The following FSTL5 variants were observed in gnomAD, a reference collection of about 807,000 sequenced individuals.
FSTL5 encodes follistatin-related protein 5.
FSTL5 carries 62 observed loss-of-function variants against 89.1 expected under a neutral mutation model. The observed-to-expected ratio is 0.70, with a 90% CI of 0.57 to 0.86. FSTL5 has a LOEUF of 0.86. Ranked by LOEUF, FSTL5 falls within the 40% of genes least tolerant of loss-of-function variation. FSTL5 has a pLI of 0.00. For synonymous variants in FSTL5, 383 were observed against 346.2 expected (o/e 1.11, Z -1.18); for missense variants, 1,057 against 1,001.6 (o/e 1.06, Z -0.75).
At chr4:162,076,251 G>C (rs1729839063) in intron 2 of FSTL5, among the ~76,000 whole-genome samples, 1 of 151,744 alleles carries the variant, frequency 6.6e-6, no homozygotes, top group African/African-American at 2.4e-5. Flanking sequence ...TCTGTTGTTG[G>C]GACACAATTC....
At chr4:161,544,385 C>T (rs766797600) in intron 8 of FSTL5, among the ~76,000 whole-genome samples, 17 of 151,978 alleles carry the variant, frequency 1.1e-4, no homozygotes, top group Non-Finnish European at 1.8e-4. Context: ...CTGACACAAA[C>T]GTTTACATAT....
At chr4:161,911,797 T>C (rs569417985) in intron 4 of FSTL5, among the ~76,000 whole-genome samples, 19 of 152,344 alleles carry the variant, frequency 1.2e-4, no homozygotes, top group African/African-American at 3.8e-4. Context: ...GCTTAACCTA[T>C]GTGAAAAGAG....
At chr4:161,632,277 G>A (rs1163391322) in intron 7 of FSTL5, among the ~76,000 whole-genome samples, 1 of 152,164 alleles carries the variant, frequency 6.6e-6, no homozygotes, top group Admixed American at 6.5e-5. Flanking sequence ...CTACTTGGGA[G>A]GCTGAGACGG....
Position 161,561,863 on chromosome 4 carries a change from C to T in FSTL5, c.1016-19170G>A, listed in dbSNP as rs556635197. On this transcript the variant is annotated intron_variant, in intron 8 of 15. Coordinates refer to ENST00000306100, the MANE Select transcript of FSTL5 (RefSeq NM_020116.5). Reference sequence around the variant, plus strand: ...ATTAAAGTCACTTTGAGTGCTGGGGCACAGTCACTATGTAACCTTGTAGCC... The same window carrying T: ...ATTAAAGTCACTTTGAGTGCTGGGGTACAGTCACTATGTAACCTTGTAGCC... 2.6e-5 allele frequency among the ~76,000 whole-genome samples: 4 copies of T among 152,102 alleles called. No individual in the cohort carries two copies. The East Asian group carries it at 7.8e-4, about 30-fold the overall frequency.
chr4:161,391,907 C>A (rs998843028), intron 15 of FSTL5, among the ~76,000 whole-genome samples: 1 of 152,194 alleles, frequency 6.6e-6, no homozygotes, highest in African/African-American at 2.4e-5. Context: ...ATTCTCCCAC[C>A]TGAATAAGTA....
chr4:161,597,605 G>A (rs1734066129), intron 7 of FSTL5, among the ~76,000 whole-genome samples: 1 of 151,422 alleles, frequency 6.6e-6, no homozygotes, highest in South Asian at 2.1e-4. Context: ...TTGTGCACAT[G>A]TACGCTAGAA....
intron 6 of FSTL5, among the ~76,000 whole-genome samples, chr4:161,719,728 G>C (rs1464496024): frequency 1.3e-5 from 2 of 152,012 alleles, no homozygotes; most frequent in Non-Finnish European, 2.9e-5. Context: ...CCATTGTAAA[G>C]GGGATCGTTT....
intron 7 of FSTL5, among the ~76,000 whole-genome samples, chr4:161,629,438 G>A (rs185992551): frequency 7.2e-4 from 109 of 152,140 alleles, no homozygotes; most frequent in Middle Eastern, 3.4e-3. Flanking sequence ...TGCCTCCTGG[G>A]TTCAAGCCAT....
At chr4:161,724,968 G>A (rs1180021338) in intron 6 of FSTL5, among the ~76,000 whole-genome samples, 4 of 152,256 alleles carry the variant, frequency 2.6e-5, no homozygotes, top group Non-Finnish European at 4.4e-5. Context: ...TCCAAGGGGC[G>A]AGTGGATAAC....
At chr4:161,569,278 A>C (rs1373025582) in intron 8 of FSTL5, among the ~76,000 whole-genome samples, 1 of 152,172 alleles carries the variant, frequency 6.6e-6, no homozygotes, top group Non-Finnish European at 1.5e-5. Flanking sequence ...AACAAATACA[A>C]AGTAAAAAGC....
chr4:161,683,086 T>C (rs1454597629), intron 6 of FSTL5, among the ~76,000 whole-genome samples: 1 of 152,146 alleles, frequency 6.6e-6, no homozygotes, highest in African/African-American at 2.4e-5. Flanking sequence ...CACTCTAAAA[T>C]AAAAATGAAA....
intron 6 of FSTL5, among the ~76,000 whole-genome samples, chr4:161,726,029 C>A (rs2126756749): frequency 6.6e-6 from 1 of 152,168 alleles, no homozygotes. Flanking sequence ...GGTTAAGGAA[C>A]TTAACCTACG....
At position 161,960,050 on chromosome 4, in the gene FSTL5, A is replaced by C. The variant is rs1735132761; in HGVS notation, c.161-39398T>G. Among the ~76,000 whole-genome samples, 5 of 152,256 alleles carry C rather than the reference A, an allele frequency of 3.3e-5. No individual in the cohort carries two copies. In the South Asian group the frequency reaches 1.0e-3, roughly 32 times the overall value. ...TGCTTATTATCTATACAATGTTATT[A>C]AATAAAAATAAGTTCAGAACTTAAC... On this transcript the variant is annotated intron_variant, in intron 3 of 15. Coordinates refer to ENST00000306100, the MANE Select transcript of FSTL5 (RefSeq NM_020116.5).
chr4:161,809,351 T>C (rs1428833238), intron 4 of FSTL5, among the ~76,000 whole-genome samples: 2 of 152,154 alleles, frequency 1.3e-5, no homozygotes, highest in Non-Finnish European at 2.9e-5. Flanking sequence ...CGTGAAGAAA[T>C]TGGAATCCTT....
intron 10 of FSTL5, among the ~76,000 whole-genome samples, chr4:161,533,168 G>GAAA (rs377735914): frequency 2.3e-5 from 3 of 127,684 alleles, no homozygotes; most frequent in East Asian, 4.7e-4. Flanking sequence ...TTAGAACTAG[G>GAAA]AAAAAAAAAA....
Position 161,993,017 on chromosome 4 carries a change from C to T in FSTL5, c.160+40608G>A, listed in dbSNP as rs139291769. 2.9e-3 allele frequency among the ~76,000 whole-genome samples: 421 copies of T among 146,202 alleles called. 5 individuals are homozygous for T. The highest frequency in any genetic ancestry group is 0.01 in the African/African-American group (403 of 39,718). ...ACATGTTTCAATAGGTTGCACAAGG[C>T]GGAGGGGTGTGGAGGGGCATATTGT... On this transcript the variant is annotated intron_variant, in intron 3 of 15. Coordinates refer to ENST00000306100, the MANE Select transcript of FSTL5 (RefSeq NM_020116.5).
At chr4:161,953,115 C>T (rs1363785887) in intron 3 of FSTL5, among the ~76,000 whole-genome samples, 1 of 151,570 alleles carries the variant, frequency 6.6e-6, no homozygotes. Flanking sequence ...TTTTTCTCCC[C>T]TTAGCAGTTA....
At chr4:161,649,109 C>T (rs1455750663) in intron 7 of FSTL5, among the ~76,000 whole-genome samples, 2 of 152,164 alleles carry the variant, frequency 1.3e-5, no homozygotes, top group Non-Finnish European at 2.9e-5. Context: ...CGGACAACTA[C>T]ACAACTGAAC....
At chr4:161,986,374 A>G (rs558286778) in intron 3 of FSTL5, among the ~76,000 whole-genome samples, 1 of 152,062 alleles carries the variant, frequency 6.6e-6, no homozygotes, top group Non-Finnish European at 1.5e-5. Context: ...ACATGCTGAA[A>G]CCCTGTCTCT....
Sources: allele counts gnomAD v4.1 joint callset (sites outside exome capture counted in the v4.1 genomes callset), GRCh38; gene constraint gnomAD v4.1.1; transcripts MANE v1.5; gene names NCBI Gene and HGNC (gene_info 2026-07-23, HGNC 2026-07-21).